ATP8B4: variants seen among roughly 807,000 people sequenced by gnomAD.
ATP8B4 encodes the protein probable phospholipid-transporting ATPase IM.
ATP8B4 carries 133 observed loss-of-function variants against 145.6 expected under a neutral mutation model. The ratio of observed to expected loss-of-function variants is 0.91; its 90% CI spans 0.79 to 1.05. The LOEUF is 1.05. Among genes scored for constraint, ATP8B4 ranks in the 50% least tolerant of loss-of-function variants. The probability of loss-of-function intolerance (pLI) is 0.00; values close to 1 mark genes in which losing one functional copy is unlikely to be tolerated. For missense variants in ATP8B4, 1,458 were observed against 1,425.2 expected, an observed-to-expected ratio of 1.02 and a Z score of -0.37; for synonymous variants, 507 against 492.9, an observed-to-expected ratio of 1.03 and a Z score of -0.38.
chr15:50,179,777 C>A (rs980159165), intron 1 of ATP8B4, among the ~76,000 whole-genome samples: 1 of 152,220 alleles, frequency 6.6e-6, no homozygotes, highest in Admixed American at 6.5e-5. Flanking sequence ...TCACCAAACA[C>A]CACATCTGCT....
Position 49,876,316 on chromosome 15 carries a change from T to C in ATP8B4, c.2989A>G (p.Thr997Ala). Residue 997 changes from threonine (T) to alanine (A), a missense_variant, in exon 25 of 28, where the codon ACC (threonine) becomes GCC (alanine). By Grantham distance (58) the Thr-to-Ala change is moderately conservative. Coordinates refer to ENST00000284509, the MANE Select transcript of ATP8B4 (RefSeq NM_024837.4). Reference sequence around the variant, plus strand: ...ACAATGACCAAAGATGTGGCCATGGTAACTGCAAAGGACTGGTAGTCAGCA... The same window carrying C: ...ACAATGACCAAAGATGTGGCCATGGCAACTGCAAAGGACTGGTAGTCAGCA... ...HIADYQSFAV[T>A]MATSLVIVVS... 6.2e-7 allele frequency: 1 copy of C among 1,614,118 alleles called. No individual in the cohort carries two copies. The highest frequency in any genetic ancestry group is 8.5e-7 in the Non-Finnish European group (1 of 1,179,976).
intron 15 of ATP8B4, 106 bp from the exon 16 acceptor site, chr15:49,931,413 G>T: frequency 9.0e-7 from 1 of 1,113,384 alleles, no homozygotes; most frequent in Non-Finnish European, 1.3e-6. Flanking sequence ...CAAGCATCAG[G>T]TCTAAAAATC....
intron 19 of ATP8B4, 83 bp from the exon 20 acceptor site, chr15:49,917,122 C>G (rs2039818513): frequency 1.0e-5 from 14 of 1,336,216 alleles, no homozygotes; most frequent in Non-Finnish European, 1.5e-5. Flanking sequence ...GAGGGCTTAG[C>G]TGTATTTTCT....
intron 25 of ATP8B4, among the ~76,000 whole-genome samples, chr15:49,870,483 G>A (rs566370780): frequency 3.9e-5 from 6 of 152,142 alleles, no homozygotes; most frequent in African/African-American, 1.4e-4. Context: ...AAACAATAGA[G>A]ACTACTTAAA....
At chr15:49,971,951 G>T (rs577570079) in intron 13 of ATP8B4, among the ~76,000 whole-genome samples, 1 of 152,274 alleles carries the variant, frequency 6.6e-6, no homozygotes, top group African/African-American at 2.4e-5. Context: ...CATAAAAAAG[G>T]ATGAATTCAT....
At chr15:50,158,585 C>T (rs2044466931) in intron 1 of ATP8B4, among the ~76,000 whole-genome samples, 1 of 152,228 alleles carries the variant, frequency 6.6e-6, no homozygotes, top group South Asian at 2.1e-4. Flanking sequence ...TGCCCGGCCA[C>T]CACCCCGTCT....
chr15:50,181,693 C>A (rs561553777), intron 1 of ATP8B4, among the ~76,000 whole-genome samples: 2 of 152,154 alleles, frequency 1.3e-5, no homozygotes, highest in African/African-American at 4.8e-5. Context: ...AACCTTGAAG[C>A]CTTCGCTACA....
chr15:50,088,296 G>C (rs927867812), intron 2 of ATP8B4, among the ~76,000 whole-genome samples: 1 of 151,790 alleles, frequency 6.6e-6, no homozygotes, highest in Non-Finnish European at 1.5e-5. Flanking sequence ...GCTTGAACCC[G>C]GGAGGCGTCT....
chr15:50,130,649 G>A (rs1053106822), intron 1 of ATP8B4, among the ~76,000 whole-genome samples: 38 of 152,064 alleles, frequency 2.5e-4, no homozygotes, highest in African/African-American at 7.2e-4. Context: ...GGTGGCAGGC[G>A]CCTGTAGTCC....
intron 1 of ATP8B4, among the ~76,000 whole-genome samples, chr15:50,109,277 T>A (rs570193983): frequency 1.4e-4 from 22 of 152,294 alleles, no homozygotes; most frequent in Admixed American, 1.1e-3. Context: ...AAAAGGATGT[T>A]TGGTGGTAAA....
chr15:50,101,595 A>G (rs2056356358), intron 2 of ATP8B4, among the ~76,000 whole-genome samples: 1 of 152,150 alleles, frequency 6.6e-6, no homozygotes, highest in Non-Finnish European at 1.5e-5. Context: ...TTATAAAACA[A>G]TTACTACTAG....
intron 2 of ATP8B4, among the ~76,000 whole-genome samples, chr15:50,074,535 G>A (rs1382411286): frequency 6.6e-6 from 1 of 152,206 alleles, no homozygotes; most frequent in African/African-American, 2.4e-5. Flanking sequence ...GGCAAGGAAT[G>A]CTTTGTGGGG....
intron 20 of ATP8B4, among the ~76,000 whole-genome samples, chr15:49,916,469 T>C (rs1599116144): frequency 6.6e-6 from 1 of 152,180 alleles, no homozygotes; most frequent in East Asian, 1.9e-4. Context: ...TACAGCTGTT[T>C]CCCAAACTTA....
chr15:50,051,668 A>T (rs1055908521), intron 3 of ATP8B4, among the ~76,000 whole-genome samples: 1 of 152,226 alleles, frequency 6.6e-6, no homozygotes, highest in Non-Finnish European at 1.5e-5. Context: ...CTAAGGAGAA[A>T]ATACAGTTAA....
intron 1 of ATP8B4, among the ~76,000 whole-genome samples, chr15:50,175,527 AGGG>A (rs2044749268): frequency 6.6e-6 from 1 of 152,208 alleles, no homozygotes; most frequent in South Asian, 2.1e-4. Context: ...CCTATCGACA[AGGG>A]GGCTAAGGAC....
chr15:50,009,738 G>A (rs985457933), intron 7 of ATP8B4: 75 of 451,504 alleles, frequency 1.7e-4, no homozygotes, highest in African/African-American at 3.4e-4. Flanking sequence ...AATAGATTGC[G>A]AGTGAGAACC....
intron 3 of ATP8B4, among the ~76,000 whole-genome samples, chr15:50,069,735 T>C (rs2053606093): frequency 6.6e-6 from 1 of 152,170 alleles, no homozygotes; most frequent in African/African-American, 2.4e-5. Flanking sequence ...CCAAGAATGC[T>C]CAAAAGAGCC....
chr15:49,974,126 A>T (rs1254398319), intron 12 of ATP8B4, among the ~76,000 whole-genome samples: 19 of 132,224 alleles, frequency 1.4e-4, no homozygotes, highest in African/African-American at 5.7e-4. Context: ...CTTGTTGCCT[A>T]AGCTGGAGTG....
chr15:50,058,901 A>G (rs1334126393), intron 3 of ATP8B4, among the ~76,000 whole-genome samples: 1 of 151,756 alleles, frequency 6.6e-6, no homozygotes, highest in African/African-American at 2.4e-5. Context: ...GGGAGAGAAT[A>G]GAAGACCAGG....
Sources: gnomAD v4.1 joint callset for allele counts (sites outside exome capture counted in the v4.1 genomes callset) on GRCh38, gnomAD v4.1.1 for gene constraint, MANE v1.5 for transcripts, NCBI Gene and HGNC (gene_info 2026-07-23, HGNC 2026-07-21) for gene names.